Variants in FAT3 observed in about 807,000 individuals in gnomAD.
FAT3 encodes the protein protocadherin Fat 3.
FAT3 carries 95 observed loss-of-function variants against 310.2 expected under a neutral mutation model. That is an observed-to-expected ratio of 0.31 (90% CI 0.26 to 0.36). The LOEUF (loss-of-function observed/expected upper bound fraction) is 0.36. Among genes scored for constraint, FAT3 ranks in the 10% least tolerant of loss-of-function variants. The pLI, the probability that FAT3 is intolerant of heterozygous loss-of-function variation, is 1.00. For missense variants in FAT3, 5,408 were observed against 5,715.6 expected (o/e 0.95, Z 1.74); for synonymous variants, 2,314 against 2,192.9 (o/e 1.06, Z -1.54).
rs1947312575 is a variant in FAT3, at chr11:92,800,618, C to T, written c.7605C>T (p.Ile2535=). Residue 2535 remains isoleucine (I), a synonymous_variant, in exon 10 of 28, where the codon ATC becomes ATT. Transcript: ENST00000525166. ...PGTYGQISYA[I]INDFAKDRFL... ...CTTATGGGCAGATCAGCTATGCCAT[C>T]ATCAATGACTTTGCCAAGGATCGAT... The T allele has an allele frequency of 6.2e-7, 1 of 1,613,736 alleles. No individual in the cohort carries two copies. The highest frequency in any genetic ancestry group is 8.5e-7 in the Non-Finnish European group (1 of 1,179,798).
intron 2 of FAT3, among the ~76,000 whole-genome samples, chr11:92,466,702 A>G (rs1951769506): frequency 6.7e-6 from 1 of 149,780 alleles, no homozygotes; most frequent in African/African-American, 2.5e-5. Flanking sequence ...ATTTAGCATT[A>G]GGTGTATCTC....
intron 2 of FAT3, among the ~76,000 whole-genome samples, chr11:92,458,734 T>C (rs1231762227): frequency 6.6e-6 from 1 of 152,186 alleles, no homozygotes; most frequent in Non-Finnish European, 1.5e-5. Context: ...TGTAATATAC[T>C]ATAGAGAAAA....
chr11:92,558,972 A>G (rs949767306), intron 3 of FAT3, among the ~76,000 whole-genome samples: 6 of 152,210 alleles, frequency 3.9e-5, no homozygotes, highest in Non-Finnish European at 8.8e-5. Flanking sequence ...ACGCTGTTAC[A>G]TGCTAGGTGT....
intron 3 of FAT3, among the ~76,000 whole-genome samples, chr11:92,627,310 A>G (rs1041470182): frequency 1.3e-5 from 2 of 152,228 alleles, no homozygotes; most frequent in Admixed American, 6.5e-5. Context: ...TGAAGGTTCT[A>G]TCGCATCAGG....
intron 12 of FAT3, among the ~76,000 whole-genome samples, chr11:92,808,711 G>C (rs548060417): frequency 6.6e-6 from 1 of 152,090 alleles, no homozygotes; most frequent in Admixed American, 6.5e-5. Flanking sequence ...GGATCACAAA[G>C]TCAGGAGATC....
intron 2 of FAT3, chr11:92,366,637 A>G (rs1001396418): frequency 7.3e-5 from 39 of 534,186 alleles, no homozygotes; most frequent in Non-Finnish European, 1.1e-4. Context: ...GTTCAGCTCC[A>G]TGATAGCCTC....
At chr11:92,517,921 A>T (rs1031552512) in intron 2 of FAT3, among the ~76,000 whole-genome samples, 1 of 152,216 alleles carries the variant, frequency 6.6e-6, no homozygotes, top group African/African-American at 2.4e-5. Context: ...CCACAATGAG[A>T]TACAGTCTCA....
chr11:92,810,233 C>A (rs1158467834), intron 13 of FAT3, among the ~76,000 whole-genome samples, 157 bp downstream of exon 13: 2 of 152,232 alleles, frequency 1.3e-5, no homozygotes, highest in East Asian at 3.8e-4. Context: ...AGCTAATACA[C>A]TTCATATGCA....
intron 5 of FAT3, among the ~76,000 whole-genome samples, chr11:92,764,161 A>G (rs1946240322): frequency 6.6e-6 from 1 of 151,954 alleles, no homozygotes; most frequent in South Asian, 2.1e-4. Flanking sequence ...CTCAGCCCTT[A>G]TATCAGCTAA....
intron 3 of FAT3, among the ~76,000 whole-genome samples, chr11:92,596,604 A>C (rs551677758): frequency 6.6e-6 from 1 of 152,308 alleles, no homozygotes; most frequent in East Asian, 1.9e-4. Context: ...ATTTTTCTCC[A>C]TTCTGTTGAA....
At chr11:92,335,321 T>C (rs1206379203) in intron 1 of FAT3, among the ~76,000 whole-genome samples, 1 of 152,224 alleles carries the variant, frequency 6.6e-6, no homozygotes, top group Non-Finnish European at 1.5e-5. Context: ...TTTCACTCTT[T>C]GACTTGTTAT....
At chr11:92,479,892 G>T (rs565851861) in intron 2 of FAT3, among the ~76,000 whole-genome samples, 2 of 152,122 alleles carry the variant, frequency 1.3e-5, no homozygotes, top group East Asian at 3.9e-4. Flanking sequence ...TATCCAGTGT[G>T]GGTGTCATGT....
At chr11:92,357,397 C>T (rs1021968093) in intron 2 of FAT3, among the ~76,000 whole-genome samples, 1 of 152,190 alleles carries the variant, frequency 6.6e-6, no homozygotes, top group Non-Finnish European at 1.5e-5. Context: ...AATTTCCCTG[C>T]ATGTACCCAA....
chr11:92,692,275 G>A (rs562656483), intron 3 of FAT3, among the ~76,000 whole-genome samples: 1 of 152,256 alleles, frequency 6.6e-6, no homozygotes, highest in Non-Finnish European at 1.5e-5. Context: ...ATAACATTGA[G>A]AGTTCTGGAA....
chr11:92,422,148 C>G (rs1950544857), intron 2 of FAT3, among the ~76,000 whole-genome samples: 1 of 152,126 alleles, frequency 6.6e-6, no homozygotes, highest in African/African-American at 2.4e-5. Context: ...TGCCTATACT[C>G]CACAAGTCTT....
intron 2 of FAT3, among the ~76,000 whole-genome samples, chr11:92,440,977 C>T (rs1025539669): frequency 1.3e-5 from 2 of 152,164 alleles, no homozygotes; most frequent in Non-Finnish European, 2.9e-5. Flanking sequence ...TCTTGCAGCA[C>T]TAAGATGCAA....
intron 2 of FAT3, among the ~76,000 whole-genome samples, chr11:92,360,882 C>G (rs1733995940): frequency 6.6e-6 from 1 of 152,156 alleles, no homozygotes; most frequent in East Asian, 1.9e-4. Flanking sequence ...GGTAGCTGTT[C>G]AGAGCTGAGA....
rs1044740986 is a variant in FAT3, at chr11:92,895,155, A to G, written c.*4042A>G. On this transcript the variant is annotated 3_prime_UTR_variant, in exon 28 of 28. Coordinates refer to ENST00000525166, the MANE Select transcript of FAT3 (RefSeq NM_001367949.2). ...GGTATTGCTAAAGTGGTTAGGCTTT[A>G]ATGTTTTATGTTTTTAGTTTCAAAC... The G allele has an allele frequency of 1.3e-5, 2 of 152,172 alleles. No individual in the cohort carries two copies. Among genetic ancestry groups the G allele is most frequent in the East Asian group, 3.8e-4 (2 of 5,198 alleles). 9.4% of individuals were successfully genotyped at this position (152,172 alleles called of 1,614,324 possible).
intron 2 of FAT3, among the ~76,000 whole-genome samples, chr11:92,370,958 C>T (rs951527727): frequency 4.6e-5 from 7 of 152,174 alleles, no homozygotes; most frequent in African/African-American, 1.7e-4. Flanking sequence ...ACAGAGTTTG[C>T]ACTAATATAC....
Sources: gnomAD v4.1 joint callset for allele counts (sites outside exome capture counted in the v4.1 genomes callset) on GRCh38, gnomAD v4.1.1 for gene constraint, MANE v1.5 for transcripts, NCBI Gene and HGNC (gene_info 2026-07-23, HGNC 2026-07-21) for gene names.